P2RX7: variants seen among roughly 807,000 people sequenced by gnomAD.
P2RX7 encodes purinergic receptor P2X 7.
P2RX7 carries 62 observed loss-of-function variants against 71.6 expected under a neutral mutation model. The ratio of observed to expected loss-of-function variants is 0.87; its 90% confidence interval spans 0.71 to 1.07. The LOEUF is 1.07. P2RX7 is among the 50% of genes least tolerant of loss of function. P2RX7 has a pLI of 0.00. For synonymous variants in P2RX7, 299 were observed against 283.3 expected (o/e 1.06, Z -0.56); for missense variants, 686 against 748.5 (o/e 0.92, Z 0.97).
chr12:121,184,201 T>A (rs1330194775), intron 12 of P2RX7, 104 bp from the exon 13 acceptor site: 112 of 1,356,252 alleles, frequency 8.3e-5, no homozygotes, highest in Non-Finnish European at 1.1e-4. Flanking sequence ...ACGGCTACTA[T>A]AAATCATGTA....
At chr12:121,180,018 G>T (rs1462313109) in intron 11 of P2RX7, among the ~76,000 whole-genome samples, 2 of 152,054 alleles carry the variant, frequency 1.3e-5, no homozygotes, top group East Asian at 3.9e-4. Flanking sequence ...GCATGATGGT[G>T]CATGCCTGTA....
In P2RX7 at chr12:121,186,970, C is replaced by T. The variant is rs1206268096; in HGVS notation, c.*2168C>T. On this transcript the variant is annotated 3_prime_UTR_variant, in exon 13 of 13. Transcript: ENST00000328963. ...CTCTGTACTTTGCAGCCAATCAGAACTGACGCAGTCTGGGTGCTAGCTGCT... is the reference window on the plus strand; with the variant it reads ...CTCTGTACTTTGCAGCCAATCAGAATTGACGCAGTCTGGGTGCTAGCTGCT... 1 of 152,248 alleles carries T rather than the reference C, an allele frequency of 6.6e-6. No homozygotes were observed. Among genetic ancestry groups the T allele is most frequent in the South Asian group, 2.1e-4 (1 of 4,832 alleles). The allele number at this position is 152,248 out of a possible 1,614,324, so 9.4% of individuals were successfully genotyped here. A position where few individuals can be genotyped will look rare whatever the true frequency, so the allele number is the denominator to read the frequency against.
At position 121,185,900 on chromosome 12, in the gene P2RX7, A is replaced by G. The variant is rs1593172821; in HGVS notation, c.*1098A>G. 1 of 152,178 alleles carries G rather than the reference A, an allele frequency of 6.6e-6. No homozygotes were observed. The highest frequency in any genetic ancestry group is 1.5e-5 in the Non-Finnish European group (1 of 68,056). 9.4% of individuals were successfully genotyped at this position (152,178 alleles called of 1,614,324 possible). On this transcript the variant is annotated 3_prime_UTR_variant, in exon 13 of 13. Transcript: ENST00000328963. ...GTGAAACCGTATCTCTAATAAAAAT[A>G]CAAAAATTAGCTGGGCATGGTGCGG...
chr12:121,153,852 C>T (rs1878006526), intron 1 of P2RX7, among the ~76,000 whole-genome samples: 1 of 152,132 alleles, frequency 6.6e-6, no homozygotes, highest in South Asian at 2.1e-4. Context: ...GTGGCCCACA[C>T]CTGTAACCAC....
At chr12:121,145,545 C>T (rs549621430) in intron 1 of P2RX7, among the ~76,000 whole-genome samples, 3 of 149,692 alleles carry the variant, frequency 2.0e-5, no homozygotes, top group East Asian at 3.9e-4. Flanking sequence ...CTTCCTCTGT[C>T]GCCCAGGCTG....
intron 1 of P2RX7, among the ~76,000 whole-genome samples, chr12:121,137,159 C>T (rs1273290113): frequency 6.6e-6 from 1 of 152,188 alleles, no homozygotes; most frequent in Non-Finnish European, 1.5e-5. Context: ...ACCGGGTTCG[C>T]TGGAGTAGGT....
chr12:121,157,339 T>C (rs888332668), intron 3 of P2RX7, among the ~76,000 whole-genome samples: 6 of 152,218 alleles, frequency 3.9e-5, no homozygotes, highest in African/African-American at 1.4e-4. Context: ...TGTCTTTGAG[T>C]ACAGTCTTTG....
intron 3 of P2RX7, among the ~76,000 whole-genome samples, chr12:121,159,959 A>G (rs1413546230): frequency 6.6e-6 from 1 of 152,012 alleles, no homozygotes; most frequent in South Asian, 2.1e-4. Flanking sequence ...ATTTTTATTT[A>G]TTTGTATTGG....
At chr12:121,142,265 C>T (rs1875074690) in intron 1 of P2RX7, among the ~76,000 whole-genome samples, 1 of 152,198 alleles carries the variant, frequency 6.6e-6, no homozygotes, top group East Asian at 1.9e-4. Context: ...CTTCCAAACT[C>T]ATTTTTGTTG....
intron 3 of P2RX7, among the ~76,000 whole-genome samples, chr12:121,159,188 G>A (rs559228297): frequency 2.0e-5 from 3 of 152,266 alleles, no homozygotes; most frequent in South Asian, 4.1e-4. Context: ...GGAGGTCGAG[G>A]CAGGCAGATC....
chr12:121,182,870 C>A (rs1884352752), intron 12 of P2RX7, among the ~76,000 whole-genome samples: 1 of 152,132 alleles, frequency 6.6e-6, no homozygotes, highest in Admixed American at 6.6e-5. Flanking sequence ...AAACTCTGTA[C>A]AGTGGTATAA....
Position 121,158,753 on chromosome 12 carries a change from C to T in P2RX7, c.364-2149C>T, listed in dbSNP as rs544012843. Among the ~76,000 whole-genome samples the T allele has an allele frequency of 2.3e-3, 355 of 152,284 alleles. 2 individuals are homozygous for T. The highest frequency in any genetic ancestry group is 8.0e-3 in the African/African-American group (331 of 41,556). Reference sequence around the variant, plus strand: ...TTTTTTAAAAAAAAAATTAGAATTCCTTTTGGAGAGCAAAATAAAACTGAT... The same window carrying T: ...TTTTTTAAAAAAAAAATTAGAATTCTTTTTGGAGAGCAAAATAAAACTGAT... On this transcript the variant is annotated intron_variant, in intron 3 of 12. Coordinates refer to ENST00000328963, the MANE Select transcript of P2RX7 (RefSeq NM_002562.6).
chr12:121,143,102 T>G (rs1339546634), intron 1 of P2RX7, among the ~76,000 whole-genome samples: 1 of 141,268 alleles, frequency 7.1e-6, no homozygotes, highest in Non-Finnish European at 1.5e-5. Flanking sequence ...AAAAGATGAC[T>G]GGGCACGGTG....
At chr12:121,182,524 C>T (rs1283855817) in intron 12 of P2RX7, among the ~76,000 whole-genome samples, 2 of 152,162 alleles carry the variant, frequency 1.3e-5, no homozygotes, top group East Asian at 3.8e-4. Flanking sequence ...TGTTACTGTA[C>T]TGAATACGGT....
intron 3 of P2RX7, among the ~76,000 whole-genome samples, chr12:121,160,231 T>G (rs1259793023): frequency 6.6e-6 from 1 of 152,034 alleles, no homozygotes; most frequent in Non-Finnish European, 1.5e-5. Flanking sequence ...CACTGCAACC[T>G]CCACCTCCCA....
chr12:121,147,787 T>G (rs1205205660), intron 1 of P2RX7, among the ~76,000 whole-genome samples: 1 of 152,084 alleles, frequency 6.6e-6, no homozygotes, highest in Non-Finnish European at 1.5e-5. Flanking sequence ...AATTTTTGTA[T>G]TTTTAGTAGA....
Position 121,187,607 on chromosome 12 carries a change from C to T in P2RX7, c.*2805C>T, listed in dbSNP as rs1885004159. 6.6e-6 allele frequency: 1 copy of T among 152,156 alleles called. No homozygotes were observed. The highest frequency in any genetic ancestry group is 6.5e-5 in the Admixed American group (1 of 15,270). The allele number at this position is 152,156 out of a possible 1,614,324, so 9.4% of individuals were successfully genotyped here. ...GTGAAATTACAAATAATCACTGGAT[C>T]CATCTACTGTTTTCCATCACCTTCC... On this transcript the variant is annotated 3_prime_UTR_variant, in exon 13 of 13. Coordinates refer to ENST00000328963, the MANE Select transcript of P2RX7 (RefSeq NM_002562.6).
chr12:121,177,217 G>A lies in P2RX7; in HGVS notation c.1038+5G>A. 2 of 1,614,206 alleles carry A rather than the reference G, an allele frequency of 1.2e-6. No homozygotes were observed. Among genetic ancestry groups the A allele is most frequent in the Non-Finnish European group, 1.7e-6 (2 of 1,180,038 alleles). On this transcript the variant is annotated splice_donor_5th_base_variant and intron_variant, in intron 10 of 12. Transcript: ENST00000328963. Reference sequence around the variant, plus strand: ...ACCCTCTCCTACTTCGGTCTGGTAAGAGATTCTCTTTTCCATGCTTTAGGA... The same window carrying A: ...ACCCTCTCCTACTTCGGTCTGGTAAAAGATTCTCTTTTCCATGCTTTAGGA...
chr12:121,169,769 A>G (rs1032617821), intron 8 of P2RX7, among the ~76,000 whole-genome samples: 4 of 152,146 alleles, frequency 2.6e-5, no homozygotes, highest in Admixed American at 6.5e-5. Context: ...AACATCAGCC[A>G]GGTGTGGGGG....
Sources: allele counts gnomAD v4.1 joint callset (sites outside exome capture counted in the v4.1 genomes callset), GRCh38; gene constraint gnomAD v4.1.1; transcripts MANE v1.5; gene names NCBI Gene and HGNC (gene_info 2026-07-23, HGNC 2026-07-21).